The following RELN variants were observed in gnomAD, a reference collection of about 807,000 sequenced individuals.
RELN encodes reelin.
A neutral mutation model predicts 427.6 loss-of-function variants in RELN; 108 were observed. The observed-to-expected ratio is 0.25, with a 90% CI of 0.22 to 0.30. The LOEUF (loss-of-function observed/expected upper bound fraction) is 0.30, where lower values mean the gene tolerates loss of function less well. Among genes scored for constraint, RELN ranks in the 10% least tolerant of loss-of-function variants. The pLI, the probability that RELN is intolerant of heterozygous loss-of-function variation, is 1.00. For synonymous variants in RELN, 1,524 were observed against 1,513.4 expected (o/e 1.01, Z -0.16); for missense variants, 3,715 against 4,302.8 (o/e 0.86, Z 3.82).
intron 17 of RELN, 63 bp from the exon 18 acceptor site, chr7:103,636,531 A>C (rs1832584921): frequency 1.8e-6 from 2 of 1,091,528 alleles, no homozygotes; most frequent in Admixed American, 2.0e-5. Context: ...TCTCGAATCT[A>C]CTTTGGGGAG....
chr7:103,911,165 C>A (rs1288089929), intron 2 of RELN, among the ~76,000 whole-genome samples: 3 of 141,332 alleles, frequency 2.1e-5, no homozygotes, highest in East Asian at 2.2e-4. Flanking sequence ...AAGAAAAAAA[C>A]AAACAACCCC....
intron 27 of RELN, among the ~76,000 whole-genome samples, chr7:103,591,652 G>C (rs1831418387): frequency 6.6e-6 from 1 of 152,120 alleles, no homozygotes; most frequent in African/African-American, 2.4e-5. Flanking sequence ...TTGGTGTGTG[G>C]TGAGAGCAGC....
intron 1 of RELN, among the ~76,000 whole-genome samples, chr7:103,925,232 G>T (rs1363769667): frequency 6.6e-6 from 1 of 151,976 alleles, no homozygotes; most frequent in East Asian, 1.9e-4. Context: ...TAATAGTAAT[G>T]ATAAAGAATT....
chr7:103,571,831 T>C (rs1160807292), intron 31 of RELN, among the ~76,000 whole-genome samples: 2 of 152,226 alleles, frequency 1.3e-5, no homozygotes, highest in South Asian at 2.1e-4. Context: ...TAATGCCCTA[T>C]GCAAACAAGT....
At chr7:103,737,191 G>T (rs1276697252) in intron 6 of RELN, among the ~76,000 whole-genome samples, 1 of 152,160 alleles carries the variant, frequency 6.6e-6, no homozygotes, top group African/African-American at 2.4e-5. Flanking sequence ...AATATTTATT[G>T]TGTCTGATTT....
At chr7:103,864,348 G>A (rs554239607) in intron 2 of RELN, among the ~76,000 whole-genome samples, 1 of 152,218 alleles carries the variant, frequency 6.6e-6, no homozygotes, top group African/African-American at 2.4e-5. Context: ...AGTGCCCAGT[G>A]CAGTGCTGTT....
intron 3 of RELN, among the ~76,000 whole-genome samples, chr7:103,790,381 T>C (rs984778742): frequency 6.6e-6 from 1 of 152,196 alleles, no homozygotes; most frequent in Non-Finnish European, 1.5e-5. Context: ...TTCTTTATTC[T>C]ACTGTTGTTG....
intron 2 of RELN, among the ~76,000 whole-genome samples, chr7:103,885,447 T>G (rs1011838287): frequency 6.6e-6 from 1 of 152,060 alleles, no homozygotes; most frequent in Non-Finnish European, 1.5e-5. Flanking sequence ...GGGACATGGA[T>G]GAAGCTGGAA....
At chr7:103,524,245 C>T (rs777088287) in intron 46 of RELN, among the ~76,000 whole-genome samples, 3 of 152,050 alleles carry the variant, frequency 2.0e-5, no homozygotes, top group South Asian at 2.1e-4. Flanking sequence ...TCCGAGCAGC[C>T]GCAAGCCCTC....
At chr7:103,980,122 T>G (rs1025805577) in intron 1 of RELN, among the ~76,000 whole-genome samples, 1 of 150,124 alleles carries the variant, frequency 6.7e-6, no homozygotes, top group African/African-American at 2.5e-5. Context: ...ATCATGCCAT[T>G]GCACTCCAGC....
Position 103,667,354 on chromosome 7 carries a change from A to G in RELN, c.1290-5827T>C, listed in dbSNP as rs142285998. Among the ~76,000 whole-genome samples the G allele has an allele frequency of 9.2e-5, 14 of 152,320 alleles. No homozygotes were observed. In the East Asian group the frequency reaches 2.7e-3, roughly 29 times the overall value. ...AAGCTTCTCTTTTAGAGTAGGTTCAATTTATTTTAACATGTTAAATAATCA... is the reference window on the plus strand; with the variant it reads ...AAGCTTCTCTTTTAGAGTAGGTTCAGTTTATTTTAACATGTTAAATAATCA... On this transcript the variant is annotated intron_variant, in intron 11 of 64. Coordinates refer to ENST00000428762, the MANE Select transcript of RELN (RefSeq NM_005045.4).
intron 8 of RELN, among the ~76,000 whole-genome samples, chr7:103,717,041 A>G (rs1789955703): frequency 6.6e-6 from 1 of 152,224 alleles, no homozygotes; most frequent in Admixed American, 6.5e-5. Flanking sequence ...AAGCCTCATT[A>G]GATGAGTGAC....
intron 6 of RELN, among the ~76,000 whole-genome samples, chr7:103,741,285 C>A (rs935586853): frequency 6.6e-6 from 1 of 152,080 alleles, no homozygotes; most frequent in African/African-American, 2.4e-5. Context: ...ACATTGACTT[C>A]TAAGGGGTTC....
In RELN at chr7:103,503,357, G is replaced by C; in HGVS notation, c.8275-127C>G. On this transcript the variant is annotated intron_variant, in intron 51 of 64. Transcript: ENST00000428762. The stretch of plus-strand genomic sequence containing the variant: ...GTACCACATCCATCCTGTATTTTCA[G>C]ATTCATTATTTGTTCTGCTAATGGA... The C allele has an allele frequency of 6.2e-6, 5 of 805,850 alleles. No homozygotes were observed. The Admixed American group carries it at 1.0e-4, about 16-fold the overall frequency. The allele number at this position is 805,850 out of a possible 1,614,324, so 49.9% of individuals were successfully genotyped here.
chr7:103,786,308 T>TA lies in RELN; in HGVS notation c.474-9682dup, dbSNP rs769729395. ...TTTTTAAAATTAATATAAAGTTGTT[T>TA]AAAAAATTGCTTCCCTAAACAGCTG... On this transcript the variant is annotated intron_variant, in intron 3 of 64. Coordinates refer to ENST00000428762, the MANE Select transcript of RELN (RefSeq NM_005045.4). Among the ~76,000 whole-genome samples, 6 of 151,808 alleles carry TA rather than the reference T, an allele frequency of 4.0e-5. 1 individual carries two copies. The East Asian group carries it at 1.2e-3, about 29-fold the overall frequency.
chr7:103,918,885 A>G (rs895263881), intron 1 of RELN, among the ~76,000 whole-genome samples: 5 of 152,182 alleles, frequency 3.3e-5, no homozygotes, highest in African/African-American at 1.2e-4. Context: ...CCAGCCAAAG[A>G]CATTTTTTAA....
chr7:103,494,835 T>C (rs1002138521), intron 57 of RELN, among the ~76,000 whole-genome samples: 2 of 152,082 alleles, frequency 1.3e-5, no homozygotes, highest in East Asian at 1.9e-4. Context: ...TAATGTAGTA[T>C]AGGCATATGA....
intron 3 of RELN, among the ~76,000 whole-genome samples, chr7:103,831,734 G>T (rs1296305881): frequency 6.6e-6 from 1 of 152,094 alleles, no homozygotes; most frequent in Non-Finnish European, 1.5e-5. Flanking sequence ...CGTGCCAAGG[G>T]AGATAACAGA....
chr7:103,698,971 T>C (rs1335768241), intron 9 of RELN, among the ~76,000 whole-genome samples: 1 of 152,234 alleles, frequency 6.6e-6, no homozygotes, highest in Non-Finnish European at 1.5e-5. Flanking sequence ...TTTGCCATAA[T>C]TAAATGCTCT....
Sources: allele counts gnomAD v4.1 joint callset (sites outside exome capture counted in the v4.1 genomes callset), GRCh38; gene constraint gnomAD v4.1.1; transcripts MANE v1.5; gene names NCBI Gene and HGNC (gene_info 2026-07-23, HGNC 2026-07-21).